The following UST variants were observed in gnomAD, a reference collection of about 807,000 sequenced individuals.
The protein encoded by UST is chondroitin sulfate 2-O-sulfotransferase.
UST carries 21 observed loss-of-function variants against 45.6 expected under a neutral mutation model. The observed-to-expected ratio is 0.46, with a 90% CI of 0.33 to 0.66. UST has a LOEUF of 0.66. UST is among the 30% of genes least tolerant of loss of function. The pLI, the probability that UST is intolerant of heterozygous loss-of-function variation, is 0.02. For missense variants in UST, 463 were observed against 512.4 expected, an observed-to-expected ratio of 0.90 and a Z score of 0.93; for synonymous variants, 215 against 200.6, an observed-to-expected ratio of 1.07 and a Z score of -0.61.
intron 5 of UST, among the ~76,000 whole-genome samples, chr6:148,967,987 A>G (rs990086857): frequency 2.6e-5 from 4 of 152,164 alleles, no homozygotes; most frequent in African/African-American, 9.7e-5. Flanking sequence ...AGGAACCCCA[A>G]AGAGGATGAG....
Position 148,986,361 on chromosome 6 carries a change from G to A in UST, c.681+21798G>A, listed in dbSNP as rs576989924. Among the ~76,000 whole-genome samples, 11 of 152,334 alleles carry A rather than the reference G, an allele frequency of 7.2e-5. No individual in the cohort carries two copies. In the East Asian group the frequency reaches 7.7e-4, roughly 11 times the overall value. Reference sequence around the variant, plus strand: ...AGATGCCAAGGATTACAGAGGTTAAGTAACTTGCCTCAGTTCATACCACTA... The same window carrying A: ...AGATGCCAAGGATTACAGAGGTTAAATAACTTGCCTCAGTTCATACCACTA... On this transcript the variant is annotated intron_variant, in intron 5 of 7. Coordinates refer to ENST00000367463, the MANE Select transcript of UST (RefSeq NM_005715.3).
chr6:148,782,827 C>T (rs1182889409), intron 1 of UST, among the ~76,000 whole-genome samples: 2 of 152,216 alleles, frequency 1.3e-5, no homozygotes, highest in Non-Finnish European at 2.9e-5. Flanking sequence ...ACGCGGTGAA[C>T]ATTGTTGAAA....
chr6:148,933,584 G>A (rs929729094), intron 2 of UST, among the ~76,000 whole-genome samples: 3 of 152,144 alleles, frequency 2.0e-5, no homozygotes, highest in South Asian at 2.1e-4. Flanking sequence ...TGTTCAGGAG[G>A]ATTGCAATGA....
chr6:148,812,071 C>G (rs145074277), intron 1 of UST, among the ~76,000 whole-genome samples: 1 of 151,558 alleles, frequency 6.6e-6, no homozygotes, highest in East Asian at 1.9e-4. Context: ...TTTTTTCTTT[C>G]TTTGTATAGT....
At chr6:149,008,281 G>A (rs1444151637) in intron 5 of UST, among the ~76,000 whole-genome samples, 1 of 152,186 alleles carries the variant, frequency 6.6e-6, no homozygotes, top group African/African-American at 2.4e-5. Context: ...TGAAGTTACA[G>A]GGATTTGCAA....
At chr6:148,764,422 A>G (rs915479384) in intron 1 of UST, among the ~76,000 whole-genome samples, 5 of 152,210 alleles carry the variant, frequency 3.3e-5, no homozygotes, top group Admixed American at 1.3e-4. Flanking sequence ...GTATAAGATC[A>G]TGTCATCAGC....
chr6:148,845,118 T>C (rs1010405500), intron 1 of UST, among the ~76,000 whole-genome samples: 3 of 152,230 alleles, frequency 2.0e-5, no homozygotes, highest in East Asian at 1.9e-4. Context: ...TCTTTTTTGG[T>C]ATAATGATCT....
At chr6:149,021,221 C>T in intron 6 of UST, 103 bp from the exon 7 acceptor site, 2 of 1,298,024 alleles carry the variant, frequency 1.5e-6, no homozygotes, top group South Asian at 1.4e-5. Flanking sequence ...AGGATTTGGA[C>T]TTATGCAAGT....
intron 1 of UST, among the ~76,000 whole-genome samples, chr6:148,767,065 C>A (rs1776338317): frequency 6.6e-6 from 1 of 152,172 alleles, no homozygotes; most frequent in Non-Finnish European, 1.5e-5. Flanking sequence ...TGAGATTCTG[C>A]ATTTCCAGCA....
At chr6:148,996,189 C>T (rs1170698100) in intron 5 of UST, among the ~76,000 whole-genome samples, 1 of 152,180 alleles carries the variant, frequency 6.6e-6, no homozygotes, top group African/African-American at 2.4e-5. Context: ...AAGAGCCCCT[C>T]CTAAATATTA....
At chr6:149,003,583 T>C (rs1781593258) in intron 5 of UST, among the ~76,000 whole-genome samples, 1 of 152,200 alleles carries the variant, frequency 6.6e-6, no homozygotes, top group African/African-American at 2.4e-5. Context: ...AAAAACACTA[T>C]AATGGTGAGA....
At chr6:148,834,797 T>C (rs1562272047) in intron 1 of UST, among the ~76,000 whole-genome samples, 1 of 152,174 alleles carries the variant, frequency 6.6e-6, no homozygotes, top group Non-Finnish European at 1.5e-5. Context: ...CACTATGCTA[T>C]GTGGGGGGAT....
At position 148,866,894 on chromosome 6, in the gene UST, ATT is replaced by A. The variant is rs35154915; in HGVS notation, c.248-20083_248-20082del. Among the ~76,000 whole-genome samples, 897 of 151,178 alleles carry A rather than the reference ATT, an allele frequency of 5.9e-3. 5 individuals are homozygous for A. Among genetic ancestry groups the A allele is most frequent in the Non-Finnish European group, 8.8e-3 (595 of 67,772 alleles). On this transcript the variant is annotated intron_variant, in intron 1 of 7. Coordinates refer to ENST00000367463, the MANE Select transcript of UST (RefSeq NM_005715.3). ...TATCTTTTTACGACCTCCACAAGGC[ATT>A]TTTTTTTTCTTTAGGTTTGTAATGG...
intron 4 of UST, among the ~76,000 whole-genome samples, chr6:148,960,855 G>A (rs1431563481): frequency 6.6e-6 from 1 of 152,124 alleles, no homozygotes; most frequent in African/African-American, 2.4e-5. Flanking sequence ...TTTAATATGT[G>A]CAATAATTAT....
intron 1 of UST, among the ~76,000 whole-genome samples, chr6:148,806,109 G>T (rs938355507): frequency 6.6e-6 from 1 of 151,528 alleles, no homozygotes; most frequent in Non-Finnish European, 1.5e-5. Flanking sequence ...CATGCATATA[G>T]TATAATTGCG....
intron 1 of UST, among the ~76,000 whole-genome samples, chr6:148,758,450 G>A (rs1235458220): frequency 4.6e-5 from 7 of 152,084 alleles, no homozygotes; most frequent in African/African-American, 7.2e-5. Context: ...GTATGCTGGC[G>A]CTTACTCTCT....
intron 1 of UST, among the ~76,000 whole-genome samples, chr6:148,872,388 A>G (rs1368996267): frequency 6.6e-6 from 1 of 152,252 alleles, no homozygotes; most frequent in Non-Finnish European, 1.5e-5. Context: ...GGAAGATATT[A>G]AATTTTGAAG....
chr6:148,871,117 C>CTCTCTCTCTCTCTCTCTCT (rs1778543531), intron 1 of UST, among the ~76,000 whole-genome samples: 3 of 97,586 alleles, frequency 3.1e-5, no homozygotes, highest in African/African-American at 1.4e-4. Flanking sequence ...GCATTCTCTC[C>CTCTCTCTCTCTCTCTCTCT]CTCTCTCTCT....
chr6:149,063,642 T>G (rs983161545), intron 7 of UST, among the ~76,000 whole-genome samples: 1 of 152,200 alleles, frequency 6.6e-6, no homozygotes, highest in African/African-American at 2.4e-5. Context: ...GATACTGCCT[T>G]TGTGCCCAGC....
Sources: gnomAD v4.1 joint callset for allele counts (sites outside exome capture counted in the v4.1 genomes callset) on GRCh38, gnomAD v4.1.1 for gene constraint, MANE v1.5 for transcripts, NCBI Gene and HGNC (gene_info 2026-07-23, HGNC 2026-07-21) for gene names.